The following TBC1D1 variants were observed in gnomAD, a reference collection of about 807,000 sequenced individuals.
The protein encoded by TBC1D1 is TBC1 domain family member 1, also known as TBC1 (tre-2/USP6, BUB2, cdc16) domain family, member 1.
A neutral mutation model predicts 125.6 loss-of-function variants in TBC1D1; 89 were observed. The observed-to-expected ratio is 0.71, with a 90% CI of 0.60 to 0.85. The LOEUF is 0.85. Ranked by LOEUF, TBC1D1 falls within the 40% of genes least tolerant of loss-of-function variation. The pLI is 0.00. For missense variants in TBC1D1, 1,377 were observed against 1,469.2 expected, an observed-to-expected ratio of 0.94 and a Z score of 1.03; for synonymous variants, 565 against 564.1, an observed-to-expected ratio of 1.00 and a Z score of -0.02.
At chr4:38,080,843 A>C (rs1756419177) in intron 12 of TBC1D1, among the ~76,000 whole-genome samples, 1 of 151,856 alleles carries the variant, frequency 6.6e-6, no homozygotes, top group Admixed American at 6.6e-5. Flanking sequence ...TTCTTTCATC[A>C]CTGTTCTGCG....
At chr4:38,076,488 C>A (rs1390127435) in intron 12 of TBC1D1, among the ~76,000 whole-genome samples, 1 of 152,126 alleles carries the variant, frequency 6.6e-6, no homozygotes, top group Non-Finnish European at 1.5e-5. Flanking sequence ...TCTTCTGAGC[C>A]CTATTCCTAC....
At chr4:38,122,024 G>A (rs1181460766) in intron 17 of TBC1D1, among the ~76,000 whole-genome samples, 1 of 152,140 alleles carries the variant, frequency 6.6e-6, no homozygotes, top group African/African-American at 2.4e-5. Context: ...ATGATCTCCC[G>A]ATTTAAGACC....
In TBC1D1 at chr4:38,021,689, G is replaced by T. The variant is rs745441707; in HGVS notation, c.1181G>T (p.Ser394Ile). 6.3e-6 allele frequency: 10 copies of T among 1,592,784 alleles called. No homozygotes were observed. In the South Asian group the frequency reaches 1.1e-4, roughly 18 times the overall value. The change falls in exon 6 of 20, where the codon AGC becomes ATC. Residue 394 changes from serine (S) to isoleucine (I), a missense_variant. Around this residue, in one of 3 missense-constraint regions of TBC1D1, gnomAD observed 822 missense variants for 824.6 expected, o/e 1.00. Coordinates refer to ENST00000261439, the MANE Select transcript of TBC1D1 (RefSeq NM_015173.4). ...CTGTGTGAGGGCTGCCCCCTGCAAA[G>T]CCTGCACAAGCTCTGTGAGAGGATA...
At chr4:37,925,288 G>T (rs1721838228) in intron 2 of TBC1D1, among the ~76,000 whole-genome samples, 1 of 152,138 alleles carries the variant, frequency 6.6e-6, no homozygotes, top group African/African-American at 2.4e-5. Flanking sequence ...CATTTACACT[G>T]CTGGGTTTTA....
At chr4:38,058,985 A>G (rs976616789) in intron 12 of TBC1D1, among the ~76,000 whole-genome samples, 7 of 152,236 alleles carry the variant, frequency 4.6e-5, no homozygotes, top group Non-Finnish European at 1.0e-4. Flanking sequence ...CTCTAATAGT[A>G]TAATGGGCAA....
chr4:38,085,906 C>G (rs1757401363), intron 12 of TBC1D1, among the ~76,000 whole-genome samples: 1 of 152,196 alleles, frequency 6.6e-6, no homozygotes, highest in Admixed American at 6.5e-5. Flanking sequence ...CCTGCCACTC[C>G]ACTCGAGTCC....
chr4:38,007,345 C>T (rs988098418), intron 2 of TBC1D1, among the ~76,000 whole-genome samples: 6 of 152,004 alleles, frequency 3.9e-5, no homozygotes, highest in Admixed American at 1.3e-4. Context: ...CTTTGCCTCC[C>T]GGGTTCAAGC....
intron 2 of TBC1D1, among the ~76,000 whole-genome samples, chr4:38,000,416 T>A (rs1285219880): frequency 6.6e-6 from 1 of 152,172 alleles, no homozygotes; most frequent in Non-Finnish European, 1.5e-5. Context: ...GATTTAGGGC[T>A]TTGGAATATT....
chr4:38,111,185 G>A (rs1762141024), intron 15 of TBC1D1, among the ~76,000 whole-genome samples: 1 of 152,202 alleles, frequency 6.6e-6, no homozygotes, highest in Admixed American at 6.5e-5. Context: ...AATGTGGATT[G>A]TCCAGGAAAT....
At chr4:38,133,007 C>G in intron 18 of TBC1D1, 77 bp from the exon 21 acceptor site, 4 of 1,353,028 alleles carry the variant, frequency 3.0e-6, no homozygotes, top group Non-Finnish European at 4.1e-6. Context: ...TGCGCATTGT[C>G]GTGATTGCAG....
intron 2 of TBC1D1, among the ~76,000 whole-genome samples, chr4:37,910,276 G>T (rs1188985243): frequency 6.6e-6 from 1 of 152,038 alleles, no homozygotes; most frequent in Admixed American, 6.6e-5. Flanking sequence ...TTATAGCTTA[G>T]GTCTTTACTG....
chr4:38,040,147 A>G (rs1187951729), intron 8 of TBC1D1, among the ~76,000 whole-genome samples: 1 of 152,130 alleles, frequency 6.6e-6, no homozygotes, highest in East Asian at 1.9e-4. Context: ...AGTAGGGGAG[A>G]GCAGAAGAAA....
At chr4:38,076,561 C>T (rs1345188670) in intron 12 of TBC1D1, among the ~76,000 whole-genome samples, 1 of 152,038 alleles carries the variant, frequency 6.6e-6, no homozygotes, top group Non-Finnish European at 1.5e-5. Context: ...GGTTCCAGAC[C>T]TTGGAGGTAC....
In TBC1D1 at chr4:38,060,611, C is replaced by T. The variant is rs1005662076; in HGVS notation, c.2050+6273C>T. ...TTACGTCTGTGTGACAGCCTTCTCT[C>T]TTTTTCAGAACCTCACTGTGGATCG... On this transcript the variant is annotated intron_variant, in intron 12 of 19. Coordinates refer to ENST00000261439, the MANE Select transcript of TBC1D1 (RefSeq NM_015173.4). 12 of 1,288,882 alleles carry T rather than the reference C, an allele frequency of 9.3e-6. No homozygotes were observed. In the African/African-American group the frequency reaches 1.8e-4, roughly 20 times the overall value. The allele number at this position is 1,288,882 out of a possible 1,614,324, so 79.8% of individuals were successfully genotyped here.
intron 7 of TBC1D1, among the ~76,000 whole-genome samples, chr4:38,030,900 G>C (rs750851414): frequency 2.0e-5 from 3 of 152,182 alleles, no homozygotes; most frequent in Non-Finnish European, 2.9e-5. Flanking sequence ...AACTCTAACA[G>C]CTATAAAGAA....
chr4:37,928,567 C>A (rs1231743750), intron 2 of TBC1D1, among the ~76,000 whole-genome samples: 1 of 152,164 alleles, frequency 6.6e-6, no homozygotes, highest in Admixed American at 6.5e-5. Context: ...CTGGATTGTA[C>A]TTTCTCTCTT....
intron 15 of TBC1D1, among the ~76,000 whole-genome samples, chr4:38,105,050 C>T (rs931619228): frequency 3.3e-5 from 5 of 152,148 alleles, no homozygotes; most frequent in South Asian, 4.1e-4. Flanking sequence ...CCACCACACC[C>T]GGCCCCACTT....
chr4:38,050,007 A>C, intron 11 of TBC1D1, 109 bp downstream of exon 11: 1 of 1,286,466 alleles, frequency 7.8e-7, no homozygotes, highest in Non-Finnish European at 1.1e-6. Context: ...GTCAGGCTTT[A>C]CTCTTGGTTT....
Position 38,137,382 on chromosome 4 carries a change from T to C in TBC1D1, c.*47T>C. On this transcript the variant is annotated 3_prime_UTR_variant, in exon 20 of 20. Transcript: ENST00000261439. ...AACACCATCCCACACTGTCCAGGCCTTAACTGAGAGGGACAGAAGACGCTG... is the reference window on the plus strand; with the variant it reads ...AACACCATCCCACACTGTCCAGGCCCTAACTGAGAGGGACAGAAGACGCTG... 6.1e-6 allele frequency: 9 copies of C among 1,484,942 alleles called. No individual in the cohort carries two copies. The highest frequency in any genetic ancestry group is 7.2e-6 in the Non-Finnish European group (8 of 1,115,676). The allele number at this position is 1,484,942 out of a possible 1,614,324, so 92.0% of individuals were successfully genotyped here.
Sources: gnomAD v4.1 joint callset for allele counts (sites outside exome capture counted in the v4.1 genomes callset) on GRCh38, gnomAD v4.1.1 for gene constraint, gnomAD v4.1.1 regional missense constraint, MANE v1.5 for transcripts, NCBI Gene and HGNC (gene_info 2026-07-23, HGNC 2026-07-21) for gene names.